ZNF385B: variants seen among roughly 807,000 people sequenced by gnomAD.
The protein encoded by ZNF385B is zinc finger protein 385B, also known as zinc finger protein 533.
A neutral mutation model predicts 39.2 loss-of-function variants in ZNF385B; 23 were observed. The observed-to-expected ratio is 0.59, with a 90% CI of 0.42 to 0.83. The LOEUF is 0.83. Ranked by LOEUF, ZNF385B falls within the 40% of genes least tolerant of loss-of-function variation. ZNF385B has a pLI of 0.00. For synonymous variants in ZNF385B, 205 were observed against 222.6 expected (o/e 0.92, Z 0.70); for missense variants, 552 against 598.9 (o/e 0.92, Z 0.82).
Position 179,550,794 on chromosome 2 carries a change from G to A in ZNF385B, c.299-5825C>T, listed in dbSNP as rs151313889. On this transcript the variant is annotated intron_variant, in intron 3 of 9. Transcript: ENST00000410066. ...TCTCTGTCTTCATATTTCAGATTTT[G>A]CTGCTGCTGCTGCTGCTGCTAAGAA... Among the ~76,000 whole-genome samples, 14 of 148,732 alleles carry A rather than the reference G, an allele frequency of 9.4e-5. No homozygotes were observed. The East Asian group carries it at 2.7e-3, about 29-fold the overall frequency.
chr2:179,452,969 GT>G (rs1559244716), intron 6 of ZNF385B, among the ~76,000 whole-genome samples: 2 of 152,028 alleles, frequency 1.3e-5, no homozygotes, highest in Non-Finnish European at 2.9e-5. Context: ...ACAGGCAATA[GT>G]TTTGAACTAG....
chr2:179,756,295 T>C (rs1420496716), intron 3 of ZNF385B, among the ~76,000 whole-genome samples: 1 of 152,238 alleles, frequency 6.6e-6, no homozygotes, highest in Non-Finnish European at 1.5e-5. Flanking sequence ...TTTAAGAATG[T>C]CAAATATTGG....
intron 9 of ZNF385B, 148 bp downstream of exon 9, chr2:179,444,728 G>A: frequency 1.5e-6 from 1 of 685,164 alleles, no homozygotes; most frequent in East Asian, 2.6e-5. Flanking sequence ...CAGGAACTAA[G>A]CAGTTCATTC....
intron 1 of ZNF385B, among the ~76,000 whole-genome samples, chr2:179,808,822 C>CA (rs561578755): frequency 1.3e-5 from 2 of 151,772 alleles, no homozygotes; most frequent in Non-Finnish European, 2.9e-5. Flanking sequence ...TACAGCTTTG[C>CA]AAAAAAACAA....
intron 5 of ZNF385B, among the ~76,000 whole-genome samples, chr2:179,510,682 TAAATA>T (rs2057610643): frequency 6.6e-6 from 1 of 151,926 alleles, no homozygotes; most frequent in Non-Finnish European, 1.5e-5. Context: ...AAAAACTTCA[TAAATA>T]AATTACAAAT....
rs115113785 is a variant in ZNF385B, at chr2:179,578,436, A to G, written c.299-33467T>C. 2.4e-3 allele frequency among the ~76,000 whole-genome samples: 361 copies of G among 152,250 alleles called. 2 individuals are homozygous for G. The highest frequency in any genetic ancestry group is 8.3e-3 in the African/African-American group (347 of 41,578). ...GCAAACTAATGTAGTAGGCACATTC[A>G]TCTTGCCCTCTCAAATCAAGATGGT... On this transcript the variant is annotated intron_variant, in intron 3 of 9. Transcript: ENST00000410066.
chr2:179,854,965 T>C (rs7570042), intron 1 of ZNF385B, among the ~76,000 whole-genome samples: 11,514 of 152,174 alleles, frequency 0.076, 528 homozygotes, highest in African/African-American at 0.1. Flanking sequence ...AATGAAAAAC[T>C]GTACTCATCT....
intron 3 of ZNF385B, among the ~76,000 whole-genome samples, chr2:179,546,936 A>G (rs761607099): frequency 1.8e-4 from 27 of 149,812 alleles, no homozygotes; most frequent in Middle Eastern, 3.2e-3. Context: ...GGGTGAGATG[A>G]TATCTCATTA....
chr2:179,840,144 T>C (rs1352178807), intron 1 of ZNF385B, among the ~76,000 whole-genome samples: 1 of 152,164 alleles, frequency 6.6e-6, no homozygotes, highest in Admixed American at 6.5e-5. Context: ...TACAGATATA[T>C]TTATAATGCA....
At chr2:179,600,219 A>G (rs941175518) in intron 3 of ZNF385B, among the ~76,000 whole-genome samples, 2 of 152,226 alleles carry the variant, frequency 1.3e-5, no homozygotes, top group African/African-American at 4.8e-5. Flanking sequence ...GTCTGCAAAC[A>G]TAAGGGTTAT....
At chr2:179,496,021 T>C (rs1290299685) in intron 5 of ZNF385B, among the ~76,000 whole-genome samples, 1 of 152,134 alleles carries the variant, frequency 6.6e-6, no homozygotes, top group Non-Finnish European at 1.5e-5. Flanking sequence ...GCACCAATCC[T>C]AGAAAAACAG....
intron 3 of ZNF385B, among the ~76,000 whole-genome samples, chr2:179,610,195 G>A (rs930654643): frequency 1.3e-5 from 2 of 151,976 alleles, no homozygotes; most frequent in Non-Finnish European, 2.9e-5. Flanking sequence ...ATAGGTTAAG[G>A]TCGTAGTCTT....
chr2:179,797,795 A>C (rs1347888738), intron 1 of ZNF385B, among the ~76,000 whole-genome samples: 1 of 152,162 alleles, frequency 6.6e-6, no homozygotes, highest in Non-Finnish European at 1.5e-5. Flanking sequence ...ATGGGACTTC[A>C]TCAGGAGGCA....
intron 3 of ZNF385B, among the ~76,000 whole-genome samples, chr2:179,623,513 T>C (rs563015910): frequency 6.6e-6 from 1 of 152,144 alleles, no homozygotes; most frequent in South Asian, 2.1e-4. Context: ...GAACTAGTGA[T>C]ATCAAGAGGC....
intron 3 of ZNF385B, among the ~76,000 whole-genome samples, chr2:179,738,137 G>A (rs1313722309): frequency 1.3e-5 from 2 of 152,230 alleles, no homozygotes; most frequent in African/African-American, 4.8e-5. Context: ...AAAAAGGAAC[G>A]CCTTCATCTT....
intron 3 of ZNF385B, among the ~76,000 whole-genome samples, chr2:179,643,027 C>T (rs941199341): frequency 2.6e-5 from 4 of 152,038 alleles, no homozygotes; most frequent in African/African-American, 9.7e-5. Flanking sequence ...TCTCTCAAAA[C>T]AGTGATTCAC....
At chr2:179,529,874 G>A (rs1216553019) in intron 4 of ZNF385B, among the ~76,000 whole-genome samples, 1 of 152,118 alleles carries the variant, frequency 6.6e-6, no homozygotes, top group Admixed American at 6.5e-5. Flanking sequence ...CTGAGTGATA[G>A]GAACAGAAAC....
intron 1 of ZNF385B, among the ~76,000 whole-genome samples, chr2:179,823,084 T>G (rs1707495295): frequency 6.6e-6 from 1 of 152,152 alleles, no homozygotes; most frequent in South Asian, 2.1e-4. Context: ...AAGATAACTT[T>G]GCACTGGTCA....
chr2:179,554,291 G>T (rs2060769054), intron 3 of ZNF385B, among the ~76,000 whole-genome samples: 1 of 149,338 alleles, frequency 6.7e-6, no homozygotes, highest in South Asian at 2.1e-4. Context: ...GTTCAAGAGA[G>T]AAAGAAATTG....
Sources: gnomAD v4.1 joint callset for allele counts (sites outside exome capture counted in the v4.1 genomes callset) on GRCh38, gnomAD v4.1.1 for gene constraint, MANE v1.5 for transcripts, NCBI Gene and HGNC (gene_info 2026-07-23, HGNC 2026-07-21) for gene names.